PTPRN2: variants seen among roughly 807,000 people sequenced by gnomAD.
PTPRN2 encodes the protein receptor-type tyrosine-protein phosphatase N2.
PTPRN2 carries 74 observed loss-of-function variants against 118.8 expected under a neutral mutation model. That is an observed-to-expected ratio of 0.62 (90% confidence interval 0.52 to 0.76). The LOEUF is 0.76. Among genes scored for constraint, PTPRN2 ranks in the 30% least tolerant of loss-of-function variants. The pLI, the probability that PTPRN2 is intolerant of heterozygous loss-of-function variation, is 0.00. For missense variants in PTPRN2, 1,481 were observed against 1,394.4 expected, an observed-to-expected ratio of 1.06 and a Z score of -0.99; for synonymous variants, 641 against 608.0, an observed-to-expected ratio of 1.05 and a Z score of -0.80.
chr7:157,698,555 A>T (rs1028162212), intron 12 of PTPRN2, among the ~76,000 whole-genome samples: 7 of 152,232 alleles, frequency 4.6e-5, no homozygotes, highest in Non-Finnish European at 1.0e-4. Context: ...CCCAAACTTC[A>T]AAGTTATAAT....
chr7:158,106,815 A>C (rs1336290022), intron 10 of PTPRN2, among the ~76,000 whole-genome samples: 1 of 152,178 alleles, frequency 6.6e-6, no homozygotes. Flanking sequence ...AATTTTCAAA[A>C]TATAAAACTA....
chr7:157,962,432 T>C lies in PTPRN2; in HGVS notation c.1724-63695A>G, dbSNP rs189740720. 2.6e-3 allele frequency among the ~76,000 whole-genome samples: 390 copies of C among 152,342 alleles called. 2 individuals carry two copies. Among genetic ancestry groups the C allele is most frequent in the African/African-American group, 8.6e-3 (356 of 41,588 alleles). ...GCATATGTTCAGATACACAGAGGAA[T>C]AGAATTGTCAAACTCGGTCACCAGC... On this transcript the variant is annotated intron_variant, in intron 11 of 22. Coordinates refer to ENST00000389418, the MANE Select transcript of PTPRN2 (RefSeq NM_002847.5).
intron 17 of PTPRN2, among the ~76,000 whole-genome samples, chr7:157,588,317 G>A (rs904829775): frequency 8.5e-5 from 13 of 152,346 alleles, no homozygotes; most frequent in Admixed American, 2.6e-4. Context: ...GTAGCACAGG[G>A]TGTGGTAGAA....
chr7:158,314,464 C>T (rs1802123938), intron 3 of PTPRN2, among the ~76,000 whole-genome samples: 1 of 152,260 alleles, frequency 6.6e-6, no homozygotes, highest in Non-Finnish European at 1.5e-5. Flanking sequence ...CCGTCTGTGT[C>T]ATCTACATTG....
chr7:157,770,509 TA>T (rs1802738120), intron 12 of PTPRN2, among the ~76,000 whole-genome samples: 1 of 152,232 alleles, frequency 6.6e-6, no homozygotes, highest in Admixed American at 6.5e-5. Flanking sequence ...TGCGTGAAGC[TA>T]ATTTCTTTTC....
chr7:158,147,786 C>T lies in PTPRN2; in HGVS notation c.911-9271G>A, dbSNP rs71544531. Among the ~76,000 whole-genome samples the T allele has an allele frequency of 3.0e-4, 33 of 111,296 alleles. 2 individuals are homozygous for T. The highest frequency in any genetic ancestry group is 3.7e-4 in the Non-Finnish European group (20 of 53,642). 73.0% of individuals were successfully genotyped at this position (111,296 alleles called of 152,430 possible). A position where few individuals can be genotyped will look rare whatever the true frequency, so the allele number is the denominator to read the frequency against. On this transcript the variant is annotated intron_variant, in intron 6 of 22. Transcript: ENST00000389418. ...CACCTCACGCCACGTGTTATTCCCC[C>T]TCACTGACACCCCATTTCACGCCAC... is the stretch of plus-strand genomic sequence containing the variant.
At chr7:158,378,495 C>T (rs532002234) in intron 2 of PTPRN2, among the ~76,000 whole-genome samples, 1 of 152,284 alleles carries the variant, frequency 6.6e-6, no homozygotes, top group African/African-American at 2.4e-5. Flanking sequence ...GACTTCAGCC[C>T]CCTGTCCTCT....
At chr7:157,812,092 T>C (rs576261355) in intron 12 of PTPRN2, among the ~76,000 whole-genome samples, 20 of 152,278 alleles carry the variant, frequency 1.3e-4, no homozygotes, top group African/African-American at 4.3e-4. Context: ...GGGCTCCCCT[T>C]ATCAACCCGG....
At chr7:157,639,125 C>G (rs1376056404) in intron 14 of PTPRN2, among the ~76,000 whole-genome samples, 1 of 150,644 alleles carries the variant, frequency 6.6e-6, no homozygotes, top group Non-Finnish European at 1.5e-5. Context: ...CAACCTCTGC[C>G]TCCTGGGTTC....
intron 3 of PTPRN2, among the ~76,000 whole-genome samples, chr7:158,217,435 C>T (rs1304830873): frequency 2.6e-5 from 4 of 152,100 alleles, no homozygotes; most frequent in African/African-American, 4.8e-5. Flanking sequence ...TGAGAAATAA[C>T]GAACATAAAA....
At chr7:158,533,040 C>T (rs1054522048) in intron 1 of PTPRN2, among the ~76,000 whole-genome samples, 1 of 152,216 alleles carries the variant, frequency 6.6e-6, no homozygotes, top group African/African-American at 2.4e-5. Flanking sequence ...GGGTTCCTGT[C>T]ACTTTGTGCT....
Position 158,269,875 on chromosome 7 carries a change from GAGAC to G in PTPRN2, c.277+46940_277+46943del, listed in dbSNP as rs1563065559. On this transcript the variant is annotated intron_variant, in intron 3 of 22. Transcript: ENST00000389418. Reference sequence around the variant, plus strand: ...ACACAGAGACAGAGAGAGACAGAAAGAGACAGAGAGAGACAGAGAGACAGAGACA... The same window carrying G: ...ACACAGAGACAGAGAGAGACAGAAAGAGAGAGAGACAGAGAGACAGAGACA... 4.6e-5 allele frequency among the ~76,000 whole-genome samples: 7 copies of G among 151,724 alleles called. No homozygotes were observed. The South Asian group carries it at 1.0e-3, about 23-fold the overall frequency.
At chr7:158,194,174 G>A (rs1032243933) in intron 4 of PTPRN2, among the ~76,000 whole-genome samples, 10 of 152,224 alleles carry the variant, frequency 6.6e-5, no homozygotes, top group Admixed American at 4.6e-4. Flanking sequence ...AGGGGTGTGA[G>A]TGCGTGTGTG....
At chr7:158,411,296 T>C (rs1814066572) in intron 2 of PTPRN2, among the ~76,000 whole-genome samples, 1 of 152,156 alleles carries the variant, frequency 6.6e-6, no homozygotes, top group South Asian at 2.1e-4. Context: ...CAGCCACAGC[T>C]TTCCGGCCAC....
chr7:157,887,429 C>T (rs1331856199), intron 12 of PTPRN2, among the ~76,000 whole-genome samples: 42 of 115,196 alleles, frequency 3.6e-4, no homozygotes, highest in African/African-American at 1.5e-3. Flanking sequence ...TCCCCCAGTA[C>T]CCACTCCCCC....
chr7:157,790,089 G>C (rs1804368694), intron 12 of PTPRN2, among the ~76,000 whole-genome samples: 1 of 143,142 alleles, frequency 7.0e-6, no homozygotes, highest in South Asian at 2.3e-4. Flanking sequence ...TGTGGTGTGT[G>C]TGGTGGTGAC....
At chr7:158,378,786 G>A (rs1810740685) in intron 2 of PTPRN2, among the ~76,000 whole-genome samples, 1 of 152,206 alleles carries the variant, frequency 6.6e-6, no homozygotes, top group Non-Finnish European at 1.5e-5. Flanking sequence ...ATACATTGAA[G>A]ATAATGATAA....
At chr7:157,790,990 A>T (rs1046532024) in intron 12 of PTPRN2, among the ~76,000 whole-genome samples, 13 of 152,282 alleles carry the variant, frequency 8.5e-5, no homozygotes, top group African/African-American at 3.1e-4. Flanking sequence ...GCTGTTGCAC[A>T]TGCAAACTGA....
chr7:157,962,188 G>C (rs557411318), intron 11 of PTPRN2, among the ~76,000 whole-genome samples: 40 of 152,356 alleles, frequency 2.6e-4, no homozygotes, highest in African/African-American at 9.4e-4. Context: ...AATTTAAGGA[G>C]AAGCAAAGTG....
Sources: gnomAD v4.1 joint callset for allele counts (sites outside exome capture counted in the v4.1 genomes callset) on GRCh38, gnomAD v4.1.1 for gene constraint, MANE v1.5 for transcripts, NCBI Gene and HGNC (gene_info 2026-07-23, HGNC 2026-07-21) for gene names.